EFHC1: variants seen among roughly 807,000 people sequenced by gnomAD.
EFHC1 encodes EF-hand domain containing 1.
Under a neutral mutation model 69.9 loss-of-function variants are expected in EFHC1, and 53 were observed. The ratio of observed to expected loss-of-function variants is 0.76; its 90% CI spans 0.61 to 0.95. EFHC1 has a LOEUF of 0.95. EFHC1 is among the 40% of genes least tolerant of loss of function. The pLI, the probability that EFHC1 is intolerant of heterozygous loss-of-function variation, is 0.00. For missense variants in EFHC1, 739 were observed against 798.7 expected (o/e 0.93, Z 0.90); for synonymous variants, 256 against 278.4 (o/e 0.92, Z 0.80).
chr6:52,483,625 A>T (rs1324660966), intron 9 of EFHC1: 2 of 152,118 alleles, frequency 1.3e-5, no homozygotes, highest in Non-Finnish European at 2.9e-5. Context: ...TTACTTCCGG[A>T]TGTTGTCATG....
At chr6:52,451,481 T>C (rs1016034810) in intron 3 of EFHC1, among the ~76,000 whole-genome samples, 1 of 152,204 alleles carries the variant, frequency 6.6e-6, no homozygotes, top group Non-Finnish European at 1.5e-5. Flanking sequence ...TTCTGGCTTA[T>C]AGGGTTTCAG....
chr6:52,443,324 G>C (rs1490972348), intron 3 of EFHC1, among the ~76,000 whole-genome samples: 1 of 152,144 alleles, frequency 6.6e-6, no homozygotes, highest in Admixed American at 6.5e-5. Context: ...GGCTTTTGTT[G>C]CCATTGCTTT....
At chr6:52,455,560 A>G in intron 5 of EFHC1, among the ~76,000 whole-genome samples, 1 of 152,060 alleles carries the variant, frequency 6.6e-6, no homozygotes, top group East Asian at 1.9e-4. Context: ...AGGCTGAGGC[A>G]GGAGAATTGT....
At chr6:52,464,489 G>T (rs1765250706) in intron 5 of EFHC1, among the ~76,000 whole-genome samples, 1 of 152,170 alleles carries the variant, frequency 6.6e-6, no homozygotes, top group Admixed American at 6.5e-5. Context: ...GATATAGATG[G>T]TCACTAGTAA....
In EFHC1 at chr6:52,438,537, C is replaced by G. The variant is rs745345027; in HGVS notation, c.519C>G (p.Asn173Lys). The G allele has an allele frequency of 1.2e-6, 2 of 1,614,050 alleles. No homozygotes were observed. Among genetic ancestry groups the G allele is most frequent in the Admixed American group, 3.3e-5 (2 of 59,984 alleles). Residue 173 changes from asparagine to lysine, a missense_variant, in exon 3 of 11, where the codon AAC becomes AAG. By Grantham distance (94) the Asn-to-Lys change is moderately conservative. Transcript: ENST00000371068. Reference protein sequence around the residue: ...YHWKDLNRGINITIYGKTFRV... With the variant: ...YHWKDLNRGIKITIYGKTFRV... ...GGAAAGACCTAAATCGAGGAATAAA[C>G]ATCACAATTTATGGCAAAACTTTCC...
At chr6:52,456,749 A>G (rs1765053620) in intron 5 of EFHC1, among the ~76,000 whole-genome samples, 1 of 152,086 alleles carries the variant, frequency 6.6e-6, no homozygotes, top group South Asian at 2.1e-4. Context: ...CCCCCTCTCT[A>G]CTAAAAAATA....
chr6:52,479,196 G>A lies in EFHC1; in HGVS notation c.1438G>A (p.Asp480Asn). Residue 480 changes from aspartate (D) to asparagine (N), a missense_variant, in exon 8 of 11, where the codon GAC becomes AAC. Coordinates refer to ENST00000371068, the MANE Select transcript of EFHC1 (RefSeq NM_018100.4). ...AGTTGTTAAACCATACTCTACAGTG[G>A]ACAACCCTGTCTACTATGGCCCCAG... is the stretch of plus-strand genomic sequence containing the variant. The part of the protein sequence containing the change: ...TKVVKPYSTV[D>N]NPVYYGPSDF... 1 of 1,614,082 alleles carries A rather than the reference G, an allele frequency of 6.2e-7. No homozygotes were observed. The highest frequency in any genetic ancestry group is 8.5e-7 in the Non-Finnish European group (1 of 1,179,970).
At chr6:52,449,683 T>C (rs572615447) in intron 3 of EFHC1, among the ~76,000 whole-genome samples, 1 of 152,348 alleles carries the variant, frequency 6.6e-6, no homozygotes, top group African/African-American at 2.4e-5. Context: ...CCCTTTGTTG[T>C]TTCTAATTGT....
At chr6:52,480,550 T>C (rs1765652301) in intron 9 of EFHC1, among the ~76,000 whole-genome samples, 1 of 152,032 alleles carries the variant, frequency 6.6e-6, no homozygotes, top group Non-Finnish European at 1.5e-5. Context: ...AATTATACAG[T>C]ATATTGGGTG....
chr6:52,471,472 T>C (rs184943431), intron 7 of EFHC1, among the ~76,000 whole-genome samples: 40 of 152,224 alleles, frequency 2.6e-4, no homozygotes, highest in African/African-American at 9.6e-4. Context: ...ATATTAATAA[T>C]ACAATGTTCA....
chr6:52,494,854 A>G lies in EFHC1; in HGVS notation c.*2513A>G. 1 of 452,020 alleles carries G rather than the reference A, an allele frequency of 2.2e-6. No homozygotes were observed. The highest frequency in any genetic ancestry group is 1.6e-5 in the South Asian group (1 of 64,340). 28.0% of individuals were successfully genotyped at this position (452,020 alleles called of 1,614,324 possible). A position where few individuals can be genotyped will look rare whatever the true frequency, so the allele number is the denominator to read the frequency against. On this transcript the variant is annotated 3_prime_UTR_variant, in exon 11 of 11. Transcript: ENST00000371068. ...AGGATAATGGCCTCCAGCTGCATCC[A>G]TGTTGCTGCAGAATACATGATTTCA...
At chr6:52,488,555 A>G (rs1018925229) in intron 9 of EFHC1, 1 of 152,198 alleles carries the variant, frequency 6.6e-6, no homozygotes, top group African/African-American at 2.4e-5. Flanking sequence ...TTCACTTGAT[A>G]GTCTATCATG....
In EFHC1 at chr6:52,495,052, A is replaced by G. The variant is rs1441789434; in HGVS notation, c.*2711A>G. 2 of 454,006 alleles carry G rather than the reference A, an allele frequency of 4.4e-6. No homozygotes were observed. Among genetic ancestry groups the G allele is most frequent in the South Asian group, 3.1e-5 (2 of 64,468 alleles). 28.1% of individuals were successfully genotyped at this position (454,006 alleles called of 1,614,324 possible). A position where few individuals can be genotyped will look rare whatever the true frequency, so the allele number is the denominator to read the frequency against. On this transcript the variant is annotated 3_prime_UTR_variant, in exon 11 of 11. Transcript: ENST00000371068. ...TGCCCAGTGCACCACTCTCAGATGG[A>G]CGGGACCCAGTCTGTACCTGATCAC...
At chr6:52,443,059 G>A (rs546124823) in intron 3 of EFHC1, among the ~76,000 whole-genome samples, 7 of 152,162 alleles carry the variant, frequency 4.6e-5, no homozygotes, top group South Asian at 2.1e-4. Context: ...ATTTTTTCAC[G>A]TATCTGTTGG....
intron 9 of EFHC1, chr6:52,482,558 C>T (rs1238631419): frequency 2.7e-6 from 1 of 365,480 alleles, no homozygotes; most frequent in Admixed American, 4.6e-5. Context: ...ATGATGCAGA[C>T]TGAACGTCTG....
At chr6:52,456,487 C>A (rs1426262994) in intron 5 of EFHC1, among the ~76,000 whole-genome samples, 7 of 152,190 alleles carry the variant, frequency 4.6e-5, no homozygotes, top group African/African-American at 1.7e-4. Flanking sequence ...CCAGGTTTGT[C>A]TCTGCTTTAT....
Position 52,479,767 on chromosome 6 carries a change from G to A in EFHC1, c.1620G>A (p.Ala540=), listed in dbSNP as rs773438652. 1.7e-5 allele frequency: 27 copies of A among 1,613,982 alleles called. No homozygotes were observed. The highest frequency in any genetic ancestry group is 4.4e-5 in the South Asian group (4 of 91,090). The part of the protein sequence containing the change: ...SIQNHVRKRE[A]PAPEAESKQT... Reference sequence around the variant, plus strand: ...AGAACCATGTCCGAAAGCGAGAAGCGCCTGCTCCAGAAGCAGAAAGGTGTG... The same window carrying A: ...AGAACCATGTCCGAAAGCGAGAAGCACCTGCTCCAGAAGCAGAAAGGTGTG... Residue 540 remains alanine, a synonymous_variant, in exon 9 of 11, where the codon GCG becomes GCA. Coordinates refer to ENST00000371068, the MANE Select transcript of EFHC1 (RefSeq NM_018100.4).
chr6:52,442,081 A>G (rs892652321), intron 3 of EFHC1, among the ~76,000 whole-genome samples: 4 of 152,070 alleles, frequency 2.6e-5, no homozygotes, highest in Non-Finnish European at 5.9e-5. Context: ...TCCTACTTGG[A>G]TGTCCTTCAT....
chr6:52,473,565 C>A (rs1765483331), intron 7 of EFHC1, among the ~76,000 whole-genome samples: 1 of 152,000 alleles, frequency 6.6e-6, no homozygotes, highest in African/African-American at 2.4e-5. Context: ...CAGACTGCCC[C>A]AGCTCAGGAG....
Sources: allele counts gnomAD v4.1 joint callset (sites outside exome capture counted in the v4.1 genomes callset), GRCh38; gene constraint gnomAD v4.1.1; transcripts MANE v1.5; gene names NCBI Gene and HGNC (gene_info 2026-07-23, HGNC 2026-07-21).